Variants in CCDC93 observed in about 807,000 individuals in gnomAD.
CCDC93 encodes coiled-coil domain-containing protein 93.
In CCDC93, 61 loss-of-function variants were observed where a neutral mutation model predicts 108.2. The ratio of observed to expected loss-of-function variants is 0.56; its 90% confidence interval spans 0.46 to 0.70. CCDC93 has a LOEUF of 0.70. CCDC93 is among the 30% of genes least tolerant of loss of function. The probability of loss-of-function intolerance (pLI) is 0.00; values close to 1 mark genes in which losing one functional copy is unlikely to be tolerated. For missense variants in CCDC93, 685 were observed against 764.2 expected, an observed-to-expected ratio of 0.90 and a Z score of 1.22; for synonymous variants, 276 against 260.4, an observed-to-expected ratio of 1.06 and a Z score of -0.58.
chr2:117,943,044 C>G (rs1048491793), intron 18 of CCDC93, among the ~76,000 whole-genome samples: 4 of 152,214 alleles, frequency 2.6e-5, no homozygotes, highest in African/African-American at 9.7e-5. Context: ...TCAGCTACAG[C>G]CCTGCAATCT....
At chr2:117,956,746 T>C (rs551287775) in intron 12 of CCDC93, among the ~76,000 whole-genome samples, 44 of 152,312 alleles carry the variant, frequency 2.9e-4, no homozygotes, top group Non-Finnish European at 5.0e-4. Flanking sequence ...ACCAACCTAT[T>C]ATTTGTTCAG....
At position 117,949,371 on chromosome 2, in the gene CCDC93, C is replaced by G. The variant is rs1421408246; in HGVS notation, c.1093G>C (p.Asp365His). The G allele has an allele frequency of 1.2e-6, 2 of 1,613,540 alleles. No individual in the cohort carries two copies. Among genetic ancestry groups the G allele is most frequent in the Admixed American group, 3.3e-5 (2 of 59,992 alleles). ...TELKTYSEKL[D>H]KEQAALEKIE... ...TTCTCGAGGGCTGCTTGCTCTTTGT[C>G]CAGTTTCTCACTGTAAGTCTTCAGC... Residue 365 changes from aspartate to histidine, a missense_variant, in exon 14 of 24, where the codon GAC becomes CAC. By Grantham distance (81) the Asp-to-His change is moderately conservative. Coordinates refer to ENST00000376300, the MANE Select transcript of CCDC93 (RefSeq NM_019044.5).
In CCDC93 at chr2:117,975,286, A is replaced by G. The variant is rs1262743124; in HGVS notation, c.658-6T>C. On this transcript the variant is annotated splice_polypyrimidine_tract_variant and splice_region_variant and intron_variant, in intron 8 of 23. Transcript: ENST00000376300. ...GCCGTTTTCTTGTCCTCAGCCTGCA[A>G]GGGAAGATGTGAAAACAGCTGAGCA... is the stretch of plus-strand genomic sequence containing the variant. 2 of 1,609,522 alleles carry G rather than the reference A, an allele frequency of 1.2e-6. No homozygotes were observed. The highest frequency in any genetic ancestry group is 2.2e-5 in the South Asian group (2 of 91,038).
intron 12 of CCDC93, among the ~76,000 whole-genome samples, chr2:117,956,114 C>A (rs964467068): frequency 7.2e-5 from 11 of 152,200 alleles, no homozygotes; most frequent in Non-Finnish European, 1.3e-4. Flanking sequence ...TTCCCTACCT[C>A]ATTTTCCTCA....
rs1680221154 is a variant in CCDC93, at chr2:117,983,633, TATATATATATA to T, written c.620+2325_620+2335del. On this transcript the variant is annotated intron_variant, in intron 7 of 23. Coordinates refer to ENST00000376300, the MANE Select transcript of CCDC93 (RefSeq NM_019044.5). The stretch of plus-strand genomic sequence containing the variant: ...ACATTGAACAAACTGCTCAAAATTA[TATATATATATA>T]TATATATATATATATATATATATAT... 1.3e-3 allele frequency among the ~76,000 whole-genome samples: 148 copies of T among 115,692 alleles called. 3 individuals carry two copies. The highest frequency in any genetic ancestry group is 3.1e-3 in the African/African-American group (81 of 26,216). 75.9% of individuals were successfully genotyped at this position (115,692 alleles called of 152,430 possible).
At chr2:117,972,499 T>C (rs1365214508) in intron 11 of CCDC93, among the ~76,000 whole-genome samples, 1 of 152,168 alleles carries the variant, frequency 6.6e-6, no homozygotes, top group African/African-American at 2.4e-5. Context: ...GAAAGAGAGA[T>C]GCACTGCCAA....
rs1192554626 is a variant in CCDC93, at chr2:117,918,463, C to T, written c.*1880G>A. The T allele has an allele frequency of 2.0e-5, 3 of 152,160 alleles. No homozygotes were observed. The highest frequency in any genetic ancestry group is 7.2e-5 in the African/African-American group (3 of 41,420). 9.4% of individuals were successfully genotyped at this position (152,160 alleles called of 1,614,324 possible). ...TTTGGATTCATCATGCCATACTTTC[C>T]CCATCAGCACAGAGGTGGACTCCAG... On this transcript the variant is annotated 3_prime_UTR_variant, in exon 24 of 24. Transcript: ENST00000376300.
chr2:117,965,995 G>T (rs1273076120), intron 11 of CCDC93, among the ~76,000 whole-genome samples: 1 of 152,186 alleles, frequency 6.6e-6, no homozygotes, highest in Non-Finnish European at 1.5e-5. Flanking sequence ...ACCCAGGGTG[G>T]AGAAATAACA....
intron 23 of CCDC93, among the ~76,000 whole-genome samples, chr2:117,921,306 A>G (rs1366864630): frequency 2.0e-5 from 3 of 152,094 alleles, no homozygotes; most frequent in Non-Finnish European, 2.9e-5. Context: ...TCTGACATCC[A>G]GTGGCACAAG....
intron 13 of CCDC93, chr2:117,949,596 A>G (rs547664601): frequency 3.4e-5 from 9 of 265,830 alleles, no homozygotes; most frequent in African/African-American, 2.1e-4. Flanking sequence ...CTCTTTTACA[A>G]TGATCTCTAG....
chr2:118,009,416 C>A (rs1213315946), intron 1 of CCDC93, among the ~76,000 whole-genome samples: 2 of 150,730 alleles, frequency 1.3e-5, no homozygotes, highest in Non-Finnish European at 2.9e-5. Context: ...GCTTCTAATC[C>A]CACCGATTTA....
At chr2:117,988,675 A>G (rs143169834) in intron 6 of CCDC93, among the ~76,000 whole-genome samples, 54 of 152,362 alleles carry the variant, frequency 3.5e-4, no homozygotes, top group African/African-American at 1.3e-3. Flanking sequence ...GAAAGATCTC[A>G]TAAGAAAAAG....
rs1678531404 is a variant in CCDC93, at chr2:117,936,553, A to G, written c.1643+149T>C. On this transcript the variant is annotated intron_variant, in intron 21 of 23. Transcript: ENST00000376300. ...CAAGGAGAGTGTAAACAAGATACTT[A>G]GCAGAAGGGCTAAAAGAGTAAGAAT... 4 of 717,330 alleles carry G rather than the reference A, an allele frequency of 5.6e-6. No homozygotes were observed. In the Admixed American group the frequency reaches 5.9e-5, roughly 11 times the overall value. 44.4% of individuals were successfully genotyped at this position (717,330 alleles called of 1,614,324 possible). A position where few individuals can be genotyped will look rare whatever the true frequency, so the allele number is the denominator to read the frequency against.
intron 6 of CCDC93, among the ~76,000 whole-genome samples, chr2:117,987,935 T>C (rs1390558400): frequency 2.0e-5 from 3 of 152,116 alleles, no homozygotes; most frequent in Non-Finnish European, 2.9e-5. Flanking sequence ...TTATCCTTGT[T>C]ATCTTTCTAT....
At chr2:117,943,722 G>A (rs147328070) in intron 18 of CCDC93, among the ~76,000 whole-genome samples, 28 of 152,284 alleles carry the variant, frequency 1.8e-4, no homozygotes, top group South Asian at 1.2e-3. Context: ...ACAAACTGCC[G>A]GTTATCCAAA....
intron 2 of CCDC93, among the ~76,000 whole-genome samples, chr2:118,008,091 A>G (rs1676927006): frequency 6.6e-6 from 1 of 152,206 alleles, no homozygotes; most frequent in African/African-American, 2.4e-5. Context: ...TTTGTGCATC[A>G]TCATTCAAGG....
At chr2:117,930,976 A>G (rs1558769167) in intron 23 of CCDC93, 61 bp downstream of exon 23, 1 of 1,094,614 alleles carries the variant, frequency 9.1e-7, no homozygotes, top group East Asian at 2.4e-5. Context: ...TTTAGTGGCT[A>G]CTTTTGAGGT....
chr2:117,935,261 A>G (rs954023510), intron 22 of CCDC93, among the ~76,000 whole-genome samples: 4 of 152,178 alleles, frequency 2.6e-5, no homozygotes, highest in African/African-American at 9.7e-5. Flanking sequence ...TAGGTGTTCA[A>G]TACCTGGGAG....
intron 3 of CCDC93, among the ~76,000 whole-genome samples, chr2:118,002,051 T>C (rs1188389501): frequency 6.6e-6 from 1 of 152,024 alleles, no homozygotes; most frequent in East Asian, 1.9e-4. Context: ...ATAGGTTACA[T>C]TGCCACACAA....
Sources: allele counts gnomAD v4.1 joint callset (sites outside exome capture counted in the v4.1 genomes callset), GRCh38; gene constraint gnomAD v4.1.1; transcripts MANE v1.5; gene names NCBI Gene and HGNC (gene_info 2026-07-23, HGNC 2026-07-21).